Variants in ZNF521 observed in about 807,000 individuals in gnomAD.
The protein encoded by ZNF521 is LYST-interacting protein 3.
A neutral mutation model predicts 105.5 loss-of-function variants in ZNF521; 14 were observed. The observed-to-expected ratio is 0.13, with a 90% CI of 0.09 to 0.21. The LOEUF (loss-of-function observed/expected upper bound fraction) is 0.21. Among genes scored for constraint, ZNF521 ranks in the 10% least tolerant of loss-of-function variants. The pLI is 1.00. For synonymous variants in ZNF521, 635 were observed against 606.0 expected, an observed-to-expected ratio of 1.05 and a Z score of -0.70; for missense variants, 1,233 against 1,629.7, an observed-to-expected ratio of 0.76 and a Z score of 4.19.
rs183206449 is a variant in ZNF521, at chr18:25,195,467, A to C, written c.3574-223T>G. On this transcript the variant is annotated intron_variant, in intron 4 of 7. Transcript: ENST00000361524. ...GCAGACATTTAGAAGAAACAGAAGCACATAATTATGGCATAATATATTTTT... is the reference window on the plus strand; with the variant it reads ...GCAGACATTTAGAAGAAACAGAAGCCCATAATTATGGCATAATATATTTTT... 3.3e-5 allele frequency among the ~76,000 whole-genome samples: 5 copies of C among 151,950 alleles called. No individual in the cohort carries two copies. The East Asian group carries it at 9.6e-4, about 29-fold the overall frequency.
chr18:25,319,602 A>G (rs117672258), intron 3 of ZNF521, among the ~76,000 whole-genome samples: 21,478 of 152,102 alleles, frequency 0.14, 1,875 homozygotes, highest in South Asian at 0.22. Context: ...TCACAAAAAA[A>G]AAAAAAAGAA....
chr18:25,170,854 C>T (rs1187041189), intron 5 of ZNF521, among the ~76,000 whole-genome samples: 7 of 152,048 alleles, frequency 4.6e-5, no homozygotes. Context: ...TGTATTTTGG[C>T]ATTTGCATTT....
chr18:25,125,098 G>C (rs1355645582), intron 5 of ZNF521, among the ~76,000 whole-genome samples: 1 of 152,062 alleles, frequency 6.6e-6, no homozygotes, highest in African/African-American at 2.4e-5. Context: ...ATAGTATCCT[G>C]GAGGTATAAA....
At chr18:25,190,957 G>A (rs544331831) in intron 5 of ZNF521, among the ~76,000 whole-genome samples, 1 of 152,168 alleles carries the variant, frequency 6.6e-6, no homozygotes, top group South Asian at 2.1e-4. Flanking sequence ...CAGTATTTTT[G>A]CATCAGTATT....
chr18:25,243,397 C>A (rs1441469168), intron 3 of ZNF521, among the ~76,000 whole-genome samples: 1 of 152,132 alleles, frequency 6.6e-6, no homozygotes, highest in Non-Finnish European at 1.5e-5. Flanking sequence ...GTAGCTCTTC[C>A]CAGCCACTGA....
intron 3 of ZNF521, among the ~76,000 whole-genome samples, chr18:25,314,915 T>C (rs116921820): frequency 0.018 from 2,670 of 152,332 alleles, 74 homozygotes; most frequent in Admixed American, 0.068. Context: ...GTTTTGATGA[T>C]TTACAATACT....
In ZNF521 at chr18:25,227,497, T is replaced by G; in HGVS notation, c.421A>C (p.Ser141Arg). 6.2e-7 allele frequency: 1 copy of G among 1,614,168 alleles called. No homozygotes were observed. The highest frequency in any genetic ancestry group is 2.2e-5 in the East Asian group (1 of 44,876). ...SYLKHHEQSH[S>R]DKLPFKCTYC... is the part of the protein sequence containing the mutation. ...GTGCATTTGAAAGGCAGTTTGTCAC[T>G]GTGACTCTGCTCATGGTGCTTTAGG... is the stretch of plus-strand genomic sequence containing the variant. The change falls in exon 4 of 8, where the codon AGT becomes CGT. Residue 141 changes from serine (S) to arginine (R), a missense_variant. This residue lies in a region of ZNF521 where 85 missense variants were observed against 162.2 expected (regional missense o/e 0.52). Coordinates refer to ENST00000361524, the MANE Select transcript of ZNF521 (RefSeq NM_015461.3). This position sits in a 1 kb window ranked among gnomAD's most constrained non-coding sequence, Gnocchi z 5.7.
intron 4 of ZNF521, chr18:25,202,831 C>T (rs1388929129): frequency 6.6e-6 from 1 of 152,016 alleles, no homozygotes; most frequent in East Asian, 1.9e-4. Context: ...GAAAATAAGT[C>T]ACTGAAGAAA....
intron 7 of ZNF521, among the ~76,000 whole-genome samples, chr18:25,072,860 G>A (rs1408042029): frequency 6.6e-6 from 1 of 152,150 alleles, no homozygotes; most frequent in Non-Finnish European, 1.5e-5. Context: ...GCCAGTTGTT[G>A]CTAAGCTTTA....
chr18:25,137,412 T>G (rs1040349722), intron 5 of ZNF521, among the ~76,000 whole-genome samples: 8 of 152,170 alleles, frequency 5.3e-5, no homozygotes, highest in African/African-American at 1.9e-4. Context: ...AGCTTTGCTC[T>G]TGTTTCTTTG....
At chr18:25,172,272 C>T (rs1193731445) in intron 5 of ZNF521, among the ~76,000 whole-genome samples, 1 of 152,078 alleles carries the variant, frequency 6.6e-6, no homozygotes, top group East Asian at 1.9e-4. Flanking sequence ...GTGGCTCTAC[C>T]CCAGTATGCT....
intron 3 of ZNF521, among the ~76,000 whole-genome samples, chr18:25,244,314 T>A (rs1042985832): frequency 7.6e-5 from 11 of 145,658 alleles, no homozygotes; most frequent in South Asian, 4.4e-4. Context: ...ACACACACAC[T>A]CTCACCCTTT....
rs113217856 is a variant in ZNF521, at chr18:25,162,315, C to T, written c.3658+32845G>A. Among the ~76,000 whole-genome samples the T allele has an allele frequency of 3.9e-5, 6 of 152,122 alleles. 1 individual carries two copies. Among genetic ancestry groups the T allele is most frequent in the African/African-American group, 1.4e-4 (6 of 41,494 alleles). On this transcript the variant is annotated intron_variant, in intron 5 of 7. Transcript: ENST00000361524. ...CAAAAATAGATAAGGTTCAATCAAA[C>T]TAAAGATACAAAATAAAGATAAGAA... is the stretch of plus-strand genomic sequence containing the variant.
At chr18:25,067,495 T>C (rs1464472876) in intron 7 of ZNF521, among the ~76,000 whole-genome samples, 1 of 152,226 alleles carries the variant, frequency 6.6e-6, no homozygotes, top group African/African-American at 2.4e-5. Flanking sequence ...AAATGATTAA[T>C]TCAGCCTCCT....
chr18:25,153,107 T>G (rs1445833582), intron 5 of ZNF521, among the ~76,000 whole-genome samples: 1 of 152,230 alleles, frequency 6.6e-6, no homozygotes, highest in Non-Finnish European at 1.5e-5. Flanking sequence ...CTGATGGCTG[T>G]GTTTACTATG....
At chr18:25,154,866 T>C (rs1212003986) in intron 5 of ZNF521, among the ~76,000 whole-genome samples, 1 of 152,162 alleles carries the variant, frequency 6.6e-6, no homozygotes, top group East Asian at 1.9e-4. Flanking sequence ...AGTGCAGATA[T>C]CTTTACGAGG....
At chr18:25,235,081 A>G (rs962623026) in intron 3 of ZNF521, among the ~76,000 whole-genome samples, 1 of 152,212 alleles carries the variant, frequency 6.6e-6, no homozygotes, top group East Asian at 1.9e-4. Context: ...TAATAGCTAC[A>G]CACACTGGCC....
chr18:25,224,042 G>A (rs552425273), intron 4 of ZNF521: 9 of 321,096 alleles, frequency 2.8e-5, no homozygotes, highest in Non-Finnish European at 4.6e-5. Context: ...TCACGGTGAA[G>A]CTATGCTGAG....
intron 2 of ZNF521, chr18:25,327,380 T>G: frequency 2.8e-6 from 3 of 1,069,458 alleles, no homozygotes; most frequent in Non-Finnish European, 3.4e-6. Flanking sequence ...AATGATGTTG[T>G]ATTTAAAGTT....
Sources: allele counts gnomAD v4.1 joint callset (sites outside exome capture counted in the v4.1 genomes callset), GRCh38; gene constraint gnomAD v4.1.1; regional missense constraint gnomAD v4.1.1; non-coding constraint Gnocchi (gnomAD v3.1); transcripts MANE v1.5; gene names NCBI Gene and HGNC (gene_info 2026-07-23, HGNC 2026-07-21).